Variants in ASXL3 observed in about 807,000 individuals in gnomAD.
ASXL3 encodes the protein putative Polycomb group protein ASXL3.
ASXL3 carries 34 observed loss-of-function variants against 170.6 expected under a neutral mutation model. The observed-to-expected ratio is 0.20, with a 90% CI of 0.15 to 0.27. ASXL3 has a LOEUF of 0.27. Among genes scored for constraint, ASXL3 ranks in the 10% least tolerant of loss-of-function variants. The pLI is 1.00. For synonymous variants in ASXL3, 1,002 were observed against 989.1 expected, an observed-to-expected ratio of 1.01 and a Z score of -0.24; for missense variants, 2,592 against 2,695.3, an observed-to-expected ratio of 0.96 and a Z score of 0.85.
chr18:33,656,610 C>T (rs1187509072), intron 4 of ASXL3, among the ~76,000 whole-genome samples: 1 of 151,906 alleles, frequency 6.6e-6, no homozygotes, highest in Non-Finnish European at 1.5e-5. Flanking sequence ...TTTTATTTCC[C>T]CATGCAAAAG....
rs898362174 is a variant in ASXL3 at position 33,698,928 on chromosome 18, T to C, written c.879+15360T>C. On this transcript the variant is annotated intron_variant, in intron 8 of 11. Coordinates refer to ENST00000269197, the MANE Select transcript of ASXL3 (RefSeq NM_030632.3). ...GGGAGTTCCAGGGTGACTGTGCTCA[T>C]GGCCAAGGCTGTGCCCGTTCGTGCT... Among the ~76,000 whole-genome samples, 11 of 152,132 alleles carry C rather than the reference T, an allele frequency of 7.2e-5. No homozygotes were observed. The East Asian group carries it at 1.2e-3, about 16-fold the overall frequency.
At chr18:33,585,160 T>C (rs1041796913) in intron 1 of ASXL3, among the ~76,000 whole-genome samples, 1 of 151,960 alleles carries the variant, frequency 6.6e-6, no homozygotes, top group African/African-American at 2.4e-5. Context: ...AATTATTATC[T>C]TCTTTTACAT....
chr18:33,660,742 C>T (rs2066159866), intron 4 of ASXL3, among the ~76,000 whole-genome samples: 1 of 152,146 alleles, frequency 6.6e-6, no homozygotes, highest in Non-Finnish European at 1.5e-5. Flanking sequence ...AAAGGGCCTG[C>T]ATCTGTGCTC....
At position 33,739,077 on chromosome 18, in the gene ASXL3, A is replaced by C; in HGVS notation, c.1673A>C (p.His558Pro). The part of the protein sequence containing the change: ...SSMTHVSDTE[H>P]KESETAVETS... ...ATGACTCATGTCAGTGACACAGAAC[A>C]TAAGGAGTCAGAAACTGCAGTAGAG... The change falls in exon 11 of 12, where the codon CAT (histidine) becomes CCT (proline). Residue 558 changes from histidine to proline, a missense_variant. His to Pro is a moderately conservative substitution (Grantham distance 77). This residue lies in a region of ASXL3 where 2,246 missense variants were observed against 2,219.6 expected (regional missense o/e 1.01). Coordinates refer to ENST00000269197, the MANE Select transcript of ASXL3 (RefSeq NM_030632.3). 6.2e-7 allele frequency: 1 copy of C among 1,613,286 alleles called. No individual in the cohort carries two copies. Among genetic ancestry groups the C allele is most frequent in the Non-Finnish European group, 8.5e-7 (1 of 1,179,650 alleles).
chr18:33,710,257 G>A (rs907494502), intron 8 of ASXL3, among the ~76,000 whole-genome samples: 6 of 152,064 alleles, frequency 3.9e-5, no homozygotes, highest in African/African-American at 9.7e-5. Context: ...GCAAAACTCC[G>A]TCTCAAAAAA....
intron 4 of ASXL3, among the ~76,000 whole-genome samples, chr18:33,649,348 T>C (rs1453254401): frequency 6.6e-6 from 1 of 152,014 alleles, no homozygotes; most frequent in Non-Finnish European, 1.5e-5. Flanking sequence ...GGCCAGTACT[T>C]GTGGAAGGGG....
rs1357834720 is a variant in ASXL3, at chr18:33,746,330, GCACGAGTTT to G, written c.6485_6493del (p.Thr2162_Phe2164del). ...AATTATCCAACAATACACTTTGGTA[GCACGAGTTT>G]CAAAAGGGCAGCATCTGCAATTGAA... is the stretch of plus-strand genomic sequence containing the variant. On this transcript the variant is annotated inframe_deletion, in exon 12 of 12. Transcript: ENST00000269197. 6.2e-7 allele frequency: 1 copy of G among 1,613,986 alleles called. No individual in the cohort carries two copies. Among genetic ancestry groups the G allele is most frequent in the African/African-American group, 1.3e-5 (1 of 75,064 alleles).
chr18:33,677,606 A>G (rs924240309), intron 7 of ASXL3, among the ~76,000 whole-genome samples: 1 of 152,200 alleles, frequency 6.6e-6, no homozygotes. Flanking sequence ...ACATAATTAC[A>G]CTACAGACCT....
In ASXL3 at chr18:33,740,500, G is replaced by T. The variant is rs368944014; in HGVS notation, c.3039+57G>T. ...GTAGATAGGCTTTTCCTATTTAGAAGCCTAATTTTTCAAGAGTAATTAGAT... is the reference window on the plus strand; with the variant it reads ...GTAGATAGGCTTTTCCTATTTAGAATCCTAATTTTTCAAGAGTAATTAGAT... On this transcript the variant is annotated intron_variant, in intron 11 of 11. Transcript: ENST00000269197. 28 of 1,421,712 alleles carry T rather than the reference G, an allele frequency of 2.0e-5. No homozygotes were observed. The African/African-American group carries it at 3.7e-4, about 19-fold the overall frequency. The allele number at this position is 1,421,712 out of a possible 1,614,324, so 88.1% of individuals were successfully genotyped here.
chr18:33,620,923 C>T (rs886830260), intron 2 of ASXL3, among the ~76,000 whole-genome samples: 1 of 152,036 alleles, frequency 6.6e-6, no homozygotes, highest in South Asian at 2.1e-4. Context: ...GGAGTTGTGT[C>T]CTTTGGTAAA....
chr18:33,703,494 G>A (rs115855752), intron 8 of ASXL3, among the ~76,000 whole-genome samples: 406 of 152,274 alleles, frequency 2.7e-3, no homozygotes, highest in African/African-American at 9.4e-3. Flanking sequence ...GTGGCCCACT[G>A]CCCAAAAGAA....
At chr18:33,686,471 G>A (rs967004001) in intron 8 of ASXL3, among the ~76,000 whole-genome samples, 1 of 152,192 alleles carries the variant, frequency 6.6e-6, no homozygotes, top group Non-Finnish European at 1.5e-5. Flanking sequence ...TAATCTGAAT[G>A]TAGTATTGGA....
intron 8 of ASXL3, among the ~76,000 whole-genome samples, chr18:33,710,891 A>G (rs181923055): frequency 6.6e-6 from 1 of 151,494 alleles, no homozygotes; most frequent in Admixed American, 6.6e-5. Context: ...TTTGGGGGGG[A>G]ACAAAGCCTT....
At position 33,738,982 on chromosome 18, in the gene ASXL3, C is replaced by G. The variant is rs2067600165; in HGVS notation, c.1578C>G (p.Pro526=). The change falls in exon 11 of 12, where the codon CCC becomes CCG. Residue 526 remains proline (P), a synonymous_variant. Coordinates refer to ENST00000269197, the MANE Select transcript of ASXL3 (RefSeq NM_030632.3). ...EVKIEGKSES[P]QEEMTVVIDQ... ...AGATAGAAGGGAAGTCAGAATCACC[C>G]CAGGAAGAAATGACAGTTGTTATCG... is the stretch of plus-strand genomic sequence containing the variant. 6.2e-7 allele frequency: 1 copy of G among 1,613,564 alleles called. No homozygotes were observed. Among genetic ancestry groups the G allele is most frequent in the African/African-American group, 1.3e-5 (1 of 74,890 alleles).
rs540111676 is a variant in ASXL3, at chr18:33,584,521, A to AAC, written c.54+5837_54+5838insCA. ...GGGGGGTGCACCAGTGAGTGGTCTG[A>AAC]AGCTGTTTCTGAATGTTTTCATTAC... On this transcript the variant is annotated intron_variant, in intron 1 of 11. Transcript: ENST00000269197. Among the ~76,000 whole-genome samples, 135 of 152,282 alleles carry AAC rather than the reference A, an allele frequency of 8.9e-4. 1 individual carries two copies. The highest frequency in any genetic ancestry group is 3.1e-3 in the African/African-American group (129 of 41,568).
rs116865283 is a variant in ASXL3 at position 33,685,373 on chromosome 18, G to C, written c.879+1805G>C. Among the ~76,000 whole-genome samples the C allele has an allele frequency of 2.9e-3, 438 of 152,266 alleles. 1 individual carries two copies. Among genetic ancestry groups the C allele is most frequent in the Non-Finnish European group, 2.7e-3 (185 of 68,018 alleles). ...TACATTTTGTCAAATAACACTTGAA[G>C]CAGGTATAGGGAGGAGCCACTGATG... On this transcript the variant is annotated intron_variant, in intron 8 of 11. Transcript: ENST00000269197.
intron 8 of ASXL3, among the ~76,000 whole-genome samples, chr18:33,721,660 T>G (rs1409764415): frequency 6.6e-6 from 1 of 152,110 alleles, no homozygotes; most frequent in Non-Finnish European, 1.5e-5. Context: ...CGGTAATATT[T>G]CTCTCTAAAA....
chr18:33,643,979 G>A (rs1394802924), intron 2 of ASXL3, among the ~76,000 whole-genome samples: 1 of 151,710 alleles, frequency 6.6e-6, no homozygotes, highest in Non-Finnish European at 1.5e-5. Context: ...ATTTTAAAAG[G>A]CAATAATTGT....
chr18:33,718,784 A>T (rs1205157293), intron 8 of ASXL3, among the ~76,000 whole-genome samples: 2 of 151,940 alleles, frequency 1.3e-5, no homozygotes, highest in Non-Finnish European at 2.9e-5. Flanking sequence ...ATATAAAAAA[A>T]TCAAGGGAGT....
Sources: allele counts gnomAD v4.1 joint callset (sites outside exome capture counted in the v4.1 genomes callset), GRCh38; gene constraint gnomAD v4.1.1; regional missense constraint gnomAD v4.1.1; transcripts MANE v1.5; gene names NCBI Gene and HGNC (gene_info 2026-07-23, HGNC 2026-07-21).